The following CYTH1 variants were observed in gnomAD, a reference collection of about 807,000 sequenced individuals.
CYTH1 encodes cytohesin 1, also known as cytohesin-1.
Under a neutral mutation model 61.8 loss-of-function variants are expected in CYTH1, and 18 were observed. The ratio of observed to expected loss-of-function variants is 0.29; its 90% confidence interval spans 0.20 to 0.43. The LOEUF is 0.43. CYTH1 is among the 20% of genes least tolerant of loss of function. CYTH1 has a pLI of 1.00. For missense variants in CYTH1, 336 were observed against 510.5 expected (o/e 0.66, Z 3.29); for synonymous variants, 174 against 184.3 (o/e 0.94, Z 0.45).
chr17:78,717,308 C>G lies in CYTH1; in HGVS notation c.23-7576G>C, dbSNP rs748807300. 1.1e-4 allele frequency among the ~76,000 whole-genome samples: 16 copies of G among 152,186 alleles called. No individual in the cohort carries two copies. Among genetic ancestry groups the G allele is most frequent in the South Asian group, 2.1e-4 (1 of 4,834 alleles). On this transcript the variant is annotated intron_variant, in intron 1 of 13. Transcript: ENST00000446868. This position sits in a 1 kb window ranked among gnomAD's most constrained non-coding sequence, Gnocchi z 4.4. Reference sequence around the variant, plus strand: ...GCCAGAGGGGCACCCGGAATCCATGCCCACAAAGGTTAATCTGCAAGGTGT... The same window carrying G: ...GCCAGAGGGGCACCCGGAATCCATGGCCACAAAGGTTAATCTGCAAGGTGT...
Position 78,736,375 on chromosome 17 carries a change from T to C in CYTH1, c.23-26643A>G, listed in dbSNP as rs372835935. Among the ~76,000 whole-genome samples the C allele has an allele frequency of 2.8e-4, 42 of 152,218 alleles. No individual in the cohort carries two copies. The South Asian group carries it at 8.1e-3, about 29-fold the overall frequency. On this transcript the variant is annotated intron_variant, in intron 1 of 13. Coordinates refer to ENST00000446868, the MANE Select transcript of CYTH1 (RefSeq NM_004762.6). ...GAGAACTTCTTTGGTTTAAAAACAC[T>C]GAGTTACCTTAATATCTCTCTCTCT...
intron 3 of CYTH1, among the ~76,000 whole-genome samples, chr17:78,707,027 C>T (rs1417468856): frequency 1.3e-5 from 2 of 152,092 alleles, no homozygotes; most frequent in Non-Finnish European, 2.9e-5. Context: ...TTTACAAAAG[C>T]GGAAGTTTTA....
At chr17:78,734,459 G>C (rs1404908160) in intron 1 of CYTH1, among the ~76,000 whole-genome samples, 15 of 54,922 alleles carry the variant, frequency 2.7e-4, no homozygotes, top group Non-Finnish European at 5.0e-4. Context: ...TTTTTTTTTA[G>C]AGACAAAGTC....
intron 5 of CYTH1, 61 bp downstream of exon 5, chr17:78,702,061 G>T: frequency 1.5e-6 from 2 of 1,360,300 alleles, no homozygotes; most frequent in South Asian, 1.2e-5. Flanking sequence ...TTGGGAGTTT[G>T]TTTCTTTGTG....
intron 1 of CYTH1, among the ~76,000 whole-genome samples, chr17:78,720,447 T>C (rs912822349): frequency 2.0e-5 from 3 of 152,230 alleles, no homozygotes; most frequent in African/African-American, 4.8e-5. Context: ...GCCTCCCCAA[T>C]AGATAGGACT....
chr17:78,721,332 A>G (rs968646409), intron 1 of CYTH1, among the ~76,000 whole-genome samples: 3 of 152,226 alleles, frequency 2.0e-5, no homozygotes, highest in Admixed American at 6.5e-5. Flanking sequence ...TCCGTCTCAA[A>G]AAATAAAAAT....
At chr17:78,742,215 A>C (rs2093344418) in intron 1 of CYTH1, among the ~76,000 whole-genome samples, 2 of 152,190 alleles carry the variant, frequency 1.3e-5, no homozygotes, top group Non-Finnish European at 2.9e-5. Context: ...CTCACTATAC[A>C]CTGCTATGAA....
At chr17:78,677,808 T>A (rs950081678) in intron 13 of CYTH1, 1 of 152,312 alleles carries the variant, frequency 6.6e-6, no homozygotes, top group Admixed American at 6.5e-5. Flanking sequence ...TTCCTGCTCC[T>A]GTTGTCACCA....
In CYTH1 at chr17:78,755,323, CAG is replaced by C. The variant is rs1357815381; in HGVS notation, c.22+26877_22+26878del. On this transcript the variant is annotated intron_variant, in intron 1 of 13. Transcript: ENST00000446868. ...CCAGAGTAGCTTTCTGTATTTTTAG[CAG>C]AGACAGCCATGTTGGCCAGGCTGGT... is the stretch of plus-strand genomic sequence containing the variant. Among the ~76,000 whole-genome samples the C allele has an allele frequency of 5.9e-5, 9 of 152,024 alleles. No individual in the cohort carries two copies. The East Asian group carries it at 1.2e-3, about 20-fold the overall frequency.
intron 1 of CYTH1, among the ~76,000 whole-genome samples, chr17:78,757,740 G>A (rs2093407416): frequency 6.6e-6 from 1 of 151,934 alleles, no homozygotes; most frequent in African/African-American, 2.4e-5. Flanking sequence ...AGACCAGTCC[G>A]GCCAACATGG....
chr17:78,760,439 A>ATACATATATATATG (rs2093420128), intron 1 of CYTH1, among the ~76,000 whole-genome samples: 1 of 58,550 alleles, frequency 1.7e-5, no homozygotes, highest in Non-Finnish European at 3.3e-5. Context: ...ATACATATAT[A>ATACATATATATATG]TATGTATATA....
intron 1 of CYTH1, chr17:78,737,099 C>T (rs9905123): frequency 0.058 from 8,799 of 152,398 alleles, 466 homozygotes; most frequent in South Asian, 0.15. Context: ...AAGTCATAGC[C>T]AGGACTCACT....
At chr17:78,695,750 C>A (rs1265956310) in intron 10 of CYTH1, among the ~76,000 whole-genome samples, 1 of 152,144 alleles carries the variant, frequency 6.6e-6, no homozygotes, top group Non-Finnish European at 1.5e-5. Context: ...TTTTACAAAC[C>A]CACTCTTAGT....
At chr17:78,699,721 GC>G (rs1567840800) in intron 7 of CYTH1, among the ~76,000 whole-genome samples, 1 of 152,086 alleles carries the variant, frequency 6.6e-6, no homozygotes, top group East Asian at 1.9e-4. Flanking sequence ...ACATACACAT[GC>G]TTTTTTGCTA....
chr17:78,747,432 C>T (rs2093364028), intron 1 of CYTH1, among the ~76,000 whole-genome samples: 1 of 152,182 alleles, frequency 6.6e-6, no homozygotes, highest in African/African-American at 2.4e-5. Context: ...GGAGGAGGCA[C>T]TGTCTGGGAG....
At chr17:78,769,102 C>A (rs1386907890) in intron 1 of CYTH1, among the ~76,000 whole-genome samples, 1 of 151,802 alleles carries the variant, frequency 6.6e-6, no homozygotes, top group Admixed American at 6.6e-5. Flanking sequence ...GCTGACATCA[C>A]GCCACTGCAC....
chr17:78,711,343 C>G (rs958838208), intron 1 of CYTH1, among the ~76,000 whole-genome samples: 13 of 150,044 alleles, frequency 8.7e-5, no homozygotes, highest in Non-Finnish European at 1.8e-4. Context: ...ACACACCAGA[C>G]TTTCTATAAA....
At chr17:78,742,106 T>A (rs2093344058) in intron 1 of CYTH1, among the ~76,000 whole-genome samples, 1 of 152,274 alleles carries the variant, frequency 6.6e-6, no homozygotes, top group Non-Finnish European at 1.5e-5. Context: ...TGCTGCAACA[T>A]CCTTGTAACC....
chr17:78,687,622 C>T (rs1408211885), intron 11 of CYTH1, among the ~76,000 whole-genome samples: 2 of 152,180 alleles, frequency 1.3e-5, no homozygotes, highest in African/African-American at 2.4e-5. Flanking sequence ...AAGGCCCTGG[C>T]TCCGTCTCTC....
Sources: gnomAD v4.1 joint callset for allele counts (sites outside exome capture counted in the v4.1 genomes callset) on GRCh38, gnomAD v4.1.1 for gene constraint, Gnocchi (gnomAD v3.1) non-coding constraint, MANE v1.5 for transcripts, NCBI Gene and HGNC (gene_info 2026-07-23, HGNC 2026-07-21) for gene names.